Variants in PDZRN4 observed in about 807,000 individuals in gnomAD.
PDZRN4 encodes the protein PDZ domain-containing RING finger protein 4.
Under a neutral mutation model 99.0 loss-of-function variants are expected in PDZRN4, and 70 were observed. That is an observed-to-expected ratio of 0.71 (90% CI 0.58 to 0.86). PDZRN4 has a LOEUF of 0.86. Among genes scored for constraint, PDZRN4 ranks in the 40% least tolerant of loss-of-function variants. The pLI is 0.00. For missense variants in PDZRN4, 1,474 were observed against 1,331.2 expected (o/e 1.11, Z -1.67); for synonymous variants, 551 against 501.6 (o/e 1.10, Z -1.32).
At chr12:41,204,338 T>C (rs1375675444) in intron 3 of PDZRN4, among the ~76,000 whole-genome samples, 1 of 151,994 alleles carries the variant, frequency 6.6e-6, no homozygotes, top group Non-Finnish European at 1.5e-5. Flanking sequence ...AAAGGCTTGA[T>C]GGATTACCCT....
chr12:41,343,730 GC>G (rs142803427), intron 3 of PDZRN4, among the ~76,000 whole-genome samples: 71,464 of 151,084 alleles, frequency 0.47, 17,605 homozygotes, highest in Middle Eastern at 0.66. Context: ...TAGGAGAGAG[GC>G]TTTTGAATGG....
intron 3 of PDZRN4, among the ~76,000 whole-genome samples, chr12:41,438,269 C>T (rs1952648670): frequency 6.6e-6 from 1 of 152,142 alleles, no homozygotes; most frequent in Non-Finnish European, 1.5e-5. Context: ...AGTCACATAA[C>T]AGGAGTAGCA....
intron 3 of PDZRN4, among the ~76,000 whole-genome samples, chr12:41,381,410 A>G (rs1589983): frequency 0.15 from 22,543 of 149,846 alleles, 2,168 homozygotes; most frequent in Non-Finnish European, 0.21. Context: ...GATTTTCTTC[A>G]CTCACTTCTT....
rs541203026 is a variant in PDZRN4 at position 41,409,529 on chromosome 12, G to A, written c.844-96927G>A. 6 of 152,166 alleles carry A rather than the reference G, an allele frequency of 3.9e-5. No individual in the cohort carries two copies. The South Asian group carries it at 6.2e-4, about 16-fold the overall frequency. The allele number at this position is 152,166 out of a possible 1,614,324, so 9.4% of individuals were successfully genotyped here. A position where few individuals can be genotyped will look rare whatever the true frequency, so the allele number is the denominator to read the frequency against. On this transcript the variant is annotated intron_variant, in intron 3 of 9. Transcript: ENST00000402685. Reference sequence around the variant, plus strand: ...TACTGATATGAGGTAATTTCTGACCGATTTTTTCTTTTGGGCATAAGTTAT... The same window carrying A: ...TACTGATATGAGGTAATTTCTGACCAATTTTTTCTTTTGGGCATAAGTTAT...
Position 41,572,859 on chromosome 12 carries a change from G to T in PDZRN4, c.2080G>T (p.Asp694Tyr). The part of the protein sequence containing the change: ...MQAHRLQKVT[D>Y]QYGDIWTLHD... ...GGCTCACAGGCTCCAGAAAGTGACA[G>T]ACCAGTATGGAGACATCTGGACATT... is the stretch of plus-strand genomic sequence containing the variant. Residue 694 changes from aspartate to tyrosine, a missense_variant, in exon 10 of 10, where the codon GAC becomes TAC. Asp to Tyr is a radical substitution (Grantham distance 160). Transcript: ENST00000402685. 6.2e-7 allele frequency: 1 copy of T among 1,614,108 alleles called. No homozygotes were observed. The highest frequency in any genetic ancestry group is 1.1e-5 in the South Asian group (1 of 91,052).
chr12:41,478,836 G>A (rs1937630696), intron 3 of PDZRN4, among the ~76,000 whole-genome samples: 1 of 152,006 alleles, frequency 6.6e-6, no homozygotes, highest in Non-Finnish European at 1.5e-5. Flanking sequence ...AATTGATGAA[G>A]CTATGCTAAT....
intron 2 of PDZRN4, among the ~76,000 whole-genome samples, chr12:41,193,684 A>G (rs1405236713): frequency 6.6e-6 from 1 of 152,266 alleles, no homozygotes; most frequent in African/African-American, 2.4e-5. Flanking sequence ...ATCTCAAACC[A>G]GTTATACAGT....
chr12:41,489,473 G>A (rs961498749), intron 3 of PDZRN4, among the ~76,000 whole-genome samples: 8 of 152,050 alleles, frequency 5.3e-5, no homozygotes, highest in Non-Finnish European at 8.8e-5. Context: ...TCCTCTCTGT[G>A]CACCTTGTAT....
Position 41,188,705 on chromosome 12 carries a change from C to G in PDZRN4, c.250C>G (p.Arg84Gly), listed in dbSNP as rs754059444. The change falls in exon 1 of 10, where the codon CGC becomes GGC. Residue 84 changes from arginine (R) to glycine (G), a missense_variant. Arg to Gly is a moderately radical substitution (Grantham distance 125). Coordinates refer to ENST00000402685, the MANE Select transcript of PDZRN4 (RefSeq NM_001164595.2). ...IQKLRVQCDY[R>G]ARGCGHSVRL... ...GAAGCTGCGAGTCCAGTGCGACTAC[C>G]GCGCCCGCGGCTGCGGCCACTCGGT... is the stretch of plus-strand genomic sequence containing the variant. The G allele has an allele frequency of 2.6e-6, 4 of 1,556,002 alleles. No individual in the cohort carries two copies. Among genetic ancestry groups the G allele is most frequent in the African/African-American group, 2.8e-5 (2 of 71,836 alleles).
chr12:41,257,994 C>A (rs1951214674), intron 3 of PDZRN4, among the ~76,000 whole-genome samples: 1 of 152,138 alleles, frequency 6.6e-6, no homozygotes, highest in Non-Finnish European at 1.5e-5. Flanking sequence ...ATATTATTAT[C>A]CTTTTTATAA....
At chr12:41,241,746 G>A (rs1310592161) in intron 3 of PDZRN4, among the ~76,000 whole-genome samples, 1 of 151,996 alleles carries the variant, frequency 6.6e-6, no homozygotes, top group East Asian at 1.9e-4. Flanking sequence ...TATTAAAAGT[G>A]TTTATTAGTA....
chr12:41,346,082 G>T (rs1454871523), intron 3 of PDZRN4, among the ~76,000 whole-genome samples: 5 of 152,120 alleles, frequency 3.3e-5, no homozygotes, highest in Admixed American at 2.0e-4. Context: ...AAGTGAACAC[G>T]AGATTAAGCC....
At chr12:41,438,003 A>G (rs764738743) in intron 3 of PDZRN4, 1 of 1,614,028 alleles carries the variant, frequency 6.2e-7, no homozygotes, top group Non-Finnish European at 8.5e-7. Flanking sequence ...CTGCTGTATG[A>G]AGTTTCCCAG....
intron 3 of PDZRN4, among the ~76,000 whole-genome samples, chr12:41,227,561 T>A (rs983171574): frequency 6.6e-6 from 1 of 151,838 alleles, no homozygotes; most frequent in Non-Finnish European, 1.5e-5. Context: ...GCTACTTGGA[T>A]GGCTGAGGTG....
At chr12:41,407,606 C>T (rs765729093) in intron 3 of PDZRN4, among the ~76,000 whole-genome samples, 1 of 151,874 alleles carries the variant, frequency 6.6e-6, no homozygotes, top group Non-Finnish European at 1.5e-5. Flanking sequence ...CTCGTGCCAG[C>T]TTAGGAGTGT....
chr12:41,393,852 G>A (rs1480578392), intron 3 of PDZRN4, among the ~76,000 whole-genome samples: 1 of 152,114 alleles, frequency 6.6e-6, no homozygotes, highest in Non-Finnish European at 1.5e-5. Flanking sequence ...TGTGCAGCTG[G>A]GCTCAACTGG....
At chr12:41,486,298 C>T (rs1010835378) in intron 3 of PDZRN4, among the ~76,000 whole-genome samples, 11 of 152,210 alleles carry the variant, frequency 7.2e-5, no homozygotes, top group South Asian at 2.1e-4. Flanking sequence ...GATACAAAAA[C>T]ACAGGAAACA....
At chr12:41,469,032 T>C (rs1260910353) in intron 3 of PDZRN4, among the ~76,000 whole-genome samples, 1 of 151,792 alleles carries the variant, frequency 6.6e-6, no homozygotes, top group African/African-American at 2.4e-5. Context: ...AAATTGTTAC[T>C]CAAATCATCT....
intron 3 of PDZRN4, among the ~76,000 whole-genome samples, chr12:41,347,052 A>G (rs1054002457): frequency 2.0e-5 from 3 of 152,180 alleles, no homozygotes; most frequent in African/African-American, 7.2e-5. Flanking sequence ...CTATCAGTTG[A>G]TAGACATTTC....
Sources: allele counts gnomAD v4.1 joint callset (sites outside exome capture counted in the v4.1 genomes callset), GRCh38; gene constraint gnomAD v4.1.1; transcripts MANE v1.5; gene names NCBI Gene and HGNC (gene_info 2026-07-23, HGNC 2026-07-21).